GYPE: variants seen among roughly 807,000 people sequenced by gnomAD.
GYPE encodes the protein glycophorin E (MNS blood group).
GYPE carries 8 observed loss-of-function variants against 11.6 expected under a neutral mutation model. The ratio of observed to expected loss-of-function variants is 0.69; its 90% confidence interval spans 0.41 to 1.25. The LOEUF is 1.25. GYPE is among the 50% of genes most tolerant of loss of function. The probability of loss-of-function intolerance (pLI) is 0.01; values close to 1 mark genes in which losing one functional copy is unlikely to be tolerated. For synonymous variants in GYPE, 28 were observed against 29.6 expected, an observed-to-expected ratio of 0.94 and a Z score of 0.18; for missense variants, 90 against 92.8, an observed-to-expected ratio of 0.97 and a Z score of 0.12.
chr4:143,905,018 C>T lies in GYPE; in HGVS notation c.37+453G>A, dbSNP rs1325246674. 2.0e-5 allele frequency among the ~76,000 whole-genome samples: 3 copies of T among 151,986 alleles called. No homozygotes were observed. The East Asian group carries it at 5.8e-4, about 29-fold the overall frequency. On this transcript the variant is annotated intron_variant, in intron 1 of 3. Coordinates refer to ENST00000358615, the MANE Select transcript of GYPE (RefSeq NM_198682.3). ...GACCCACAGAGAAGCGAACAACTCC[C>T]CACGGTTTCAGTGTTCATGCTTTTG...
chr4:143,895,086 A>G (rs1194718963), intron 1 of GYPE, among the ~76,000 whole-genome samples: 5 of 152,306 alleles, frequency 3.3e-5, no homozygotes, highest in African/African-American at 1.2e-4. Context: ...TTCCCTTTGA[A>G]AACTGGCACA....
At chr4:143,905,211 G>T (rs569253598) in intron 1 of GYPE, among the ~76,000 whole-genome samples, 70 of 152,242 alleles carry the variant, frequency 4.6e-4, no homozygotes, top group Non-Finnish European at 6.3e-4. Context: ...GATAAAATTA[G>T]TTTAATTCTA....
At chr4:143,895,868 C>T (rs1159774441) in intron 1 of GYPE, among the ~76,000 whole-genome samples, 1 of 152,152 alleles carries the variant, frequency 6.6e-6, no homozygotes, top group Admixed American at 6.5e-5. Flanking sequence ...CTACAACTCT[C>T]TGATCTTTGA....
At chr4:143,873,149 T>A (rs1240778052) in intron 3 of GYPE, among the ~76,000 whole-genome samples, 24 of 149,834 alleles carry the variant, frequency 1.6e-4, no homozygotes, top group South Asian at 4.2e-4. Flanking sequence ...GAATAAATTC[T>A]GCTGGTCACC....
At chr4:143,880,574 T>A in intron 1 of GYPE, 65 bp from the exon 2 acceptor site, 12 of 1,611,880 alleles carry the variant, frequency 7.4e-6, no homozygotes, top group Non-Finnish European at 1.0e-5. Flanking sequence ...ATAAAGCATA[T>A]CACAAAAGAC....
chr4:143,899,095 A>G (rs1009190929), intron 1 of GYPE, among the ~76,000 whole-genome samples: 2 of 147,650 alleles, frequency 1.4e-5, no homozygotes, highest in Non-Finnish European at 3.0e-5. Context: ...AAAGGCTAAC[A>G]TAACAGCCAC....
intron 1 of GYPE, among the ~76,000 whole-genome samples, chr4:143,901,227 G>C (rs1008849251): frequency 6.6e-6 from 1 of 151,964 alleles, no homozygotes; most frequent in Non-Finnish European, 1.5e-5. Flanking sequence ...TAATAATTTG[G>C]GTTAGACAGA....
At chr4:143,890,980 C>A (rs1235192428) in intron 1 of GYPE, among the ~76,000 whole-genome samples, 1 of 152,048 alleles carries the variant, frequency 6.6e-6, no homozygotes, top group East Asian at 1.9e-4. Flanking sequence ...CTCTACCTGG[C>A]AGCTTCAGAA....
chr4:143,877,271 C>A (rs561551758), intron 2 of GYPE, among the ~76,000 whole-genome samples: 50 of 152,214 alleles, frequency 3.3e-4, no homozygotes, highest in African/African-American at 1.2e-3. Context: ...TTGAACAGAT[C>A]ATAGAATCAT....
intron 2 of GYPE, chr4:143,878,730 A>G (rs1370208689): frequency 4.3e-6 from 2 of 468,638 alleles, no homozygotes; most frequent in Non-Finnish European, 8.8e-6. Context: ...TGCAAAGAAA[A>G]AAATCATTTT....
At chr4:143,894,564 C>T (rs1349693401) in intron 1 of GYPE, among the ~76,000 whole-genome samples, 10 of 152,078 alleles carry the variant, frequency 6.6e-5, no homozygotes, top group Non-Finnish European at 1.0e-4. Context: ...TCGGAGTTTG[C>T]TAGAGGTCCA....
intron 1 of GYPE, among the ~76,000 whole-genome samples, chr4:143,903,831 G>A (rs926171663): frequency 8.6e-5 from 13 of 151,968 alleles, no homozygotes; most frequent in Non-Finnish European, 1.6e-4. Context: ...TTCTTTGCCA[G>A]GAACCCTTTC....
intron 1 of GYPE, among the ~76,000 whole-genome samples, chr4:143,891,314 TGA>T (rs1744392445): frequency 3.8e-5 from 1 of 26,218 alleles, no homozygotes; most frequent in Non-Finnish European, 1.5e-4. Flanking sequence ...ATTATTATTT[TGA>T]TTTTTTTTGT....
At chr4:143,901,053 G>C (rs1027988972) in intron 1 of GYPE, among the ~76,000 whole-genome samples, 20 of 152,190 alleles carry the variant, frequency 1.3e-4, no homozygotes, top group Non-Finnish European at 2.8e-4. Context: ...CAAAGTGAGT[G>C]CTATATCACT....
chr4:143,880,237 C>A (rs1265863417), intron 2 of GYPE, among the ~76,000 whole-genome samples, 174 bp downstream of exon 2: 1 of 152,192 alleles, frequency 6.6e-6, no homozygotes, highest in Admixed American at 6.5e-5. Context: ...TGAGATATTT[C>A]AGAGGCAAGA....
chr4:143,879,942 ACTT>A lies in GYPE; in HGVS notation c.136+466_136+468del, dbSNP rs199497828. ...GGCTCTGAGCTAATAACTTTTAGAC[ACTT>A]CTTCTTATTTAGCCTTTAGAGAAAT... On this transcript the variant is annotated intron_variant, in intron 2 of 3. Transcript: ENST00000358615. 3.3e-3 allele frequency among the ~76,000 whole-genome samples: 506 copies of A among 152,088 alleles called. 2 individuals carry two copies. Among genetic ancestry groups the A allele is most frequent in the African/African-American group, 9.5e-3 (394 of 41,472 alleles).
chr4:143,875,163 A>G, intron 3 of GYPE: 1 of 235,182 alleles, frequency 4.3e-6, no homozygotes. Flanking sequence ...CCACCTAATG[A>G]GAGTCCAGGC....
chr4:143,891,431 C>G (rs1273189996), intron 1 of GYPE, among the ~76,000 whole-genome samples: 2 of 150,464 alleles, frequency 1.3e-5, no homozygotes, highest in Non-Finnish European at 3.0e-5. Context: ...CGGGTTCACT[C>G]CATTCTCCTG....
chr4:143,897,530 G>A (rs1310021068), intron 1 of GYPE, among the ~76,000 whole-genome samples: 1 of 152,222 alleles, frequency 6.6e-6, no homozygotes, highest in East Asian at 1.9e-4. Context: ...CACAGAATAA[G>A]GGAAGGTATT....
Sources: gnomAD v4.1 joint callset for allele counts (sites outside exome capture counted in the v4.1 genomes callset) on GRCh38, gnomAD v4.1.1 for gene constraint, MANE v1.5 for transcripts, NCBI Gene and HGNC (gene_info 2026-07-23, HGNC 2026-07-21) for gene names.